Variants in STX7 observed in about 807,000 individuals in gnomAD.
STX7 encodes syntaxin-7.
STX7 carries 34 observed loss-of-function variants against 39.6 expected under a neutral mutation model. That is an observed-to-expected ratio of 0.86 (90% CI 0.65 to 1.14). STX7 has a LOEUF of 1.14. Among genes scored for constraint, STX7 ranks in the 50% most tolerant of loss-of-function variants. STX7 has a pLI of 0.00. For missense variants in STX7, 284 were observed against 310.4 expected (o/e 0.92, Z 0.64); for synonymous variants, 119 against 99.1 (o/e 1.20, Z -1.19).
chr6:132,459,263 A>G lies in STX7; in HGVS notation c.*1495T>C, dbSNP rs1220337397. The G allele has an allele frequency of 1.3e-5, 2 of 152,192 alleles. No individual in the cohort carries two copies. The highest frequency in any genetic ancestry group is 2.9e-5 in the Non-Finnish European group (2 of 68,030). The allele number at this position is 152,192 out of a possible 1,614,324, so 9.4% of individuals were successfully genotyped here. A position where few individuals can be genotyped will look rare whatever the true frequency, so the allele number is the denominator to read the frequency against. On this transcript the variant is annotated 3_prime_UTR_variant, in exon 10 of 10. Transcript: ENST00000367941. The stretch of plus-strand genomic sequence containing the variant: ...CTCACTCACAAAAGAGTTTTCTGTA[A>G]TCCCTTTTGTGGAAAAAAATGGAGT...
intron 2 of STX7, among the ~76,000 whole-genome samples, chr6:132,484,118 A>T (rs1251850948): frequency 6.6e-6 from 1 of 152,268 alleles, no homozygotes; most frequent in Non-Finnish European, 1.5e-5. Flanking sequence ...GAGAATACAA[A>T]GAAAAAATTA....
Position 132,457,828 on chromosome 6 carries a change from A to G in STX7, c.*2930T>C, listed in dbSNP as rs1774280624. 1 of 152,256 alleles carries G rather than the reference A, an allele frequency of 6.6e-6. No individual in the cohort carries two copies. Among genetic ancestry groups the G allele is most frequent in the African/African-American group, 2.4e-5 (1 of 41,474 alleles). The allele number at this position is 152,256 out of a possible 1,614,324, so 9.4% of individuals were successfully genotyped here. On this transcript the variant is annotated 3_prime_UTR_variant, in exon 10 of 10. Transcript: ENST00000367941. ...TATTGCAGCAAACCAGCCATGTGAA[A>G]GAAATAAATTCAATTTTGACTTTCA...
Position 132,503,531 on chromosome 6 carries a change from G to T in STX7, c.-1C>A, listed in dbSNP as rs1775629936. On this transcript the variant is annotated 5_prime_UTR_variant, in exon 2 of 10. Transcript: ENST00000367941. ...CACCAACTCCTGGAGTGTAAGACAT[G>T]GTTGATGTTCTTATTCGCTAATTTC... 6.2e-7 allele frequency: 1 copy of T among 1,613,068 alleles called. No individual in the cohort carries two copies. The highest frequency in any genetic ancestry group is 1.7e-5 in the Admixed American group (1 of 59,948).
intron 2 of STX7, among the ~76,000 whole-genome samples, chr6:132,476,387 T>C (rs1774874118): frequency 2.0e-5 from 3 of 152,094 alleles, no homozygotes; most frequent in Admixed American, 2.0e-4. Flanking sequence ...TAGACCAGTC[T>C]AGACTGTGGG....
At chr6:132,504,100 T>A (rs573065265) in intron 1 of STX7, among the ~76,000 whole-genome samples, 7 of 152,318 alleles carry the variant, frequency 4.6e-5, no homozygotes, top group African/African-American at 1.2e-4. Flanking sequence ...TTACCATTAC[T>A]TTTAATTGTG....
chr6:132,476,595 T>C (rs994543621), intron 2 of STX7, among the ~76,000 whole-genome samples: 2 of 151,968 alleles, frequency 1.3e-5, no homozygotes, highest in South Asian at 4.1e-4. Context: ...ACTGGAGAAA[T>C]TTGAATACAG....
chr6:132,461,699 C>T (rs1457074514), intron 9 of STX7: 1 of 806,690 alleles, frequency 1.2e-6, no homozygotes, highest in South Asian at 2.4e-5. Flanking sequence ...TGGGAAACTA[C>T]ATTCAAAATC....
Position 132,452,181 on chromosome 6 carries a change from CAT to C in STX7, c.*8575_*8576del, listed in dbSNP as rs1465120351. ...AGAAAAAGCATTTGACAAAATTCAACATAAAATTCATAATAAAAACTTGCAGA... is the reference window on the plus strand; with the variant it reads ...AGAAAAAGCATTTGACAAAATTCAACAAAATTCATAATAAAAACTTGCAGA... On this transcript the variant is annotated 3_prime_UTR_variant, in exon 10 of 10. Coordinates refer to ENST00000367941, the MANE Select transcript of STX7 (RefSeq NM_003569.3). 3 of 152,010 alleles carry C rather than the reference CAT, an allele frequency of 2.0e-5. No individual in the cohort carries two copies. Among genetic ancestry groups the C allele is most frequent in the African/African-American group, 7.2e-5 (3 of 41,410 alleles). 9.4% of individuals were successfully genotyped at this position (152,010 alleles called of 1,614,324 possible). A position where few individuals can be genotyped will look rare whatever the true frequency, so the allele number is the denominator to read the frequency against.
rs1348222270 is a variant in STX7, at chr6:132,447,324, T to A, written c.*13434A>T. On this transcript the variant is annotated 3_prime_UTR_variant, in exon 10 of 10. Coordinates refer to ENST00000367941, the MANE Select transcript of STX7 (RefSeq NM_003569.3). ...TTGACTTTATGTAGATTATGGTTAA[T>A]ATCTTTTGCAGATTTTCTAAGAAAT... 1 of 152,218 alleles carries A rather than the reference T, an allele frequency of 6.6e-6. No individual in the cohort carries two copies. Among genetic ancestry groups the A allele is most frequent in the Non-Finnish European group, 1.5e-5 (1 of 68,026 alleles). 9.4% of individuals were successfully genotyped at this position (152,218 alleles called of 1,614,324 possible). A position where few individuals can be genotyped will look rare whatever the true frequency, so the allele number is the denominator to read the frequency against.
rs570017080 is a variant in STX7, at chr6:132,453,444, A to G, written c.*7314T>C. On this transcript the variant is annotated 3_prime_UTR_variant, in exon 10 of 10. Transcript: ENST00000367941. ...CTTCTGCTCTGTGAAAGGCCCAGAA[A>G]AGAGAAATGAAAAGACATGCTACTG... The G allele has an allele frequency of 2.0e-5, 3 of 152,112 alleles. No homozygotes were observed. Among genetic ancestry groups the G allele is most frequent in the Non-Finnish European group, 2.9e-5 (2 of 67,934 alleles). 9.4% of individuals were successfully genotyped at this position (152,112 alleles called of 1,614,324 possible).
intron 2 of STX7, among the ~76,000 whole-genome samples, chr6:132,478,346 GA>G (rs1439559677): frequency 6.6e-6 from 1 of 152,108 alleles, no homozygotes; most frequent in East Asian, 1.9e-4. Flanking sequence ...TTAAAGAATT[GA>G]GTAGAAATGG....
intron 2 of STX7, among the ~76,000 whole-genome samples, chr6:132,483,688 A>T (rs1424350671): frequency 3.3e-5 from 5 of 152,192 alleles, no homozygotes; most frequent in African/African-American, 1.2e-4. Flanking sequence ...GTTTTTGGCC[A>T]TCTCCTAAGT....
chr6:132,472,516 A>C lies in STX7; in HGVS notation c.156-141T>G. ...CTGGCTCTCAACTTTCTCTATCAAA[A>C]AAAATTTCATATCCTATTCTTTGAT... On this transcript the variant is annotated intron_variant, in intron 3 of 9. Transcript: ENST00000367941. 1.1e-5 allele frequency: 6 copies of C among 554,450 alleles called. No individual in the cohort carries two copies. The South Asian group carries it at 1.8e-4, about 16-fold the overall frequency. 34.3% of individuals were successfully genotyped at this position (554,450 alleles called of 1,614,324 possible). A position where few individuals can be genotyped will look rare whatever the true frequency, so the allele number is the denominator to read the frequency against.
chr6:132,470,747 A>T, intron 5 of STX7, 121 bp from the exon 6 acceptor site: 1 of 582,968 alleles, frequency 1.7e-6, no homozygotes, highest in South Asian at 2.4e-5. Context: ...GTCTGTGTGT[A>T]TGTGTGTGTG....
At chr6:132,464,302 C>G (rs893838969) in intron 8 of STX7, among the ~76,000 whole-genome samples, 1 of 152,134 alleles carries the variant, frequency 6.6e-6, no homozygotes, top group Admixed American at 6.5e-5. Context: ...TATAACAGAA[C>G]CTTAATCATC....
At chr6:132,507,236 C>T (rs929657714) in intron 1 of STX7, among the ~76,000 whole-genome samples, 5 of 152,142 alleles carry the variant, frequency 3.3e-5, no homozygotes, top group Non-Finnish European at 5.9e-5. Context: ...CCAGACTTCA[C>T]GCTATGCAAT....
At chr6:132,470,216 CA>C (rs200955369) in intron 6 of STX7, among the ~76,000 whole-genome samples, 169 bp from the exon 7 acceptor site, 1,720 of 152,112 alleles carry the variant, frequency 0.011, 13 homozygotes, top group Non-Finnish European at 0.017. Flanking sequence ...AAAATTTATT[CA>C]TTTTTCATTT....
intron 3 of STX7, among the ~76,000 whole-genome samples, chr6:132,472,937 C>G (rs1472304908): frequency 2.0e-5 from 3 of 152,168 alleles, no homozygotes; most frequent in Non-Finnish European, 4.4e-5. Context: ...GCAGGCGGAT[C>G]ACTTGAGGCC....
In STX7 at chr6:132,446,006, T is replaced by C. The variant is rs1373361423; in HGVS notation, c.*14752A>G. ...CTAAAATTCTCAATTCAGCCCTGGATACAAAAACTCTAAACACAGAGGGTT... is the reference window on the plus strand; with the variant it reads ...CTAAAATTCTCAATTCAGCCCTGGACACAAAAACTCTAAACACAGAGGGTT... On this transcript the variant is annotated 3_prime_UTR_variant, in exon 10 of 10. Transcript: ENST00000367941. The C allele has an allele frequency of 3.3e-5, 5 of 152,190 alleles. No homozygotes were observed. The highest frequency in any genetic ancestry group is 9.6e-5 in the African/African-American group (4 of 41,466). The allele number at this position is 152,190 out of a possible 1,614,324, so 9.4% of individuals were successfully genotyped here. A position where few individuals can be genotyped will look rare whatever the true frequency, so the allele number is the denominator to read the frequency against.
Sources: allele counts gnomAD v4.1 joint callset (sites outside exome capture counted in the v4.1 genomes callset), GRCh38; gene constraint gnomAD v4.1.1; transcripts MANE v1.5; gene names NCBI Gene and HGNC (gene_info 2026-07-23, HGNC 2026-07-21).